TMEM50B: variants seen among roughly 807,000 people sequenced by gnomAD.
The protein encoded by TMEM50B is transmembrane protein 50B.
TMEM50B carries 14 observed loss-of-function variants against 23.4 expected under a neutral mutation model. The ratio of observed to expected loss-of-function variants is 0.60; its 90% CI spans 0.39 to 0.93. The LOEUF (loss-of-function observed/expected upper bound fraction) is 0.93, where lower values mean the gene tolerates loss of function less well. Ranked by LOEUF, TMEM50B falls within the 40% of genes least tolerant of loss-of-function variation. The pLI, the probability that TMEM50B is intolerant of heterozygous loss-of-function variation, is 0.00. For missense variants in TMEM50B, 159 were observed against 193.0 expected (o/e 0.82, Z 1.04); for synonymous variants, 64 against 62.3 (o/e 1.03, Z -0.13).
chr21:33,475,675 C>T (rs1568988950), intron 1 of TMEM50B, among the ~76,000 whole-genome samples: 1 of 151,196 alleles, frequency 6.6e-6, no homozygotes. Context: ...GAACAAGCAG[C>T]TGGGTGCGGT....
At chr21:33,452,766 A>C (rs115681089) in intron 6 of TMEM50B, among the ~76,000 whole-genome samples, 19 of 152,376 alleles carry the variant, frequency 1.2e-4, no homozygotes, top group African/African-American at 4.3e-4. Flanking sequence ...AATTGTATGC[A>C]AAGCACCAAA....
In TMEM50B at chr21:33,432,861, A is replaced by C. The variant is rs143025663; in HGVS notation, c.*2121-59T>G. ...CACACTCCACCAAGCATCCCATTAC[A>C]GATAGAAGAGGTACGTGTGCACACA... On this transcript the variant is annotated intron_variant and NMD_transcript_variant, in intron 8 of 8. Transcript: ENST00000420455. 190 of 1,612,414 alleles carry C rather than the reference A, an allele frequency of 1.2e-4. 4 individuals are homozygous for C. The East Asian group carries it at 4.2e-3, about 36-fold the overall frequency.
intron 1 of TMEM50B, among the ~76,000 whole-genome samples, chr21:33,476,543 C>T (rs938587632): frequency 2.0e-5 from 3 of 151,804 alleles, no homozygotes; most frequent in African/African-American, 7.3e-5. Flanking sequence ...CAGCGGATCA[C>T]GAGGTCAGGA....
At chr21:33,477,879 T>C (rs2084388697) in intron 1 of TMEM50B, among the ~76,000 whole-genome samples, 3 of 151,886 alleles carry the variant, frequency 2.0e-5, no homozygotes, top group African/African-American at 7.3e-5. Flanking sequence ...CTCACGCCTG[T>C]AATCCCAGCA....
intron 7 of TMEM50B, among the ~76,000 whole-genome samples, chr21:33,441,460 CT>C (rs1447669044): frequency 2.0e-5 from 3 of 152,082 alleles, no homozygotes; most frequent in Non-Finnish European, 4.4e-5. Flanking sequence ...GATTAGATCA[CT>C]GTTTTAAGAT....
At chr21:33,459,593 G>C (rs753770656) in intron 5 of TMEM50B, among the ~76,000 whole-genome samples, 3 of 149,592 alleles carry the variant, frequency 2.0e-5, no homozygotes, top group Middle Eastern at 3.2e-3. Context: ...ACTTGAACCT[G>C]TGAGGCGGAG....
rs1325033823 is a variant in TMEM50B at position 33,479,942 on chromosome 21, G to C, written c.-146C>G. 1 of 152,204 alleles carries C rather than the reference G, an allele frequency of 6.6e-6. No individual in the cohort carries two copies. Among genetic ancestry groups the C allele is most frequent in the Non-Finnish European group, 1.5e-5 (1 of 68,040 alleles). The allele number at this position is 152,204 out of a possible 1,614,324, so 9.4% of individuals were successfully genotyped here. A position where few individuals can be genotyped will look rare whatever the true frequency, so the allele number is the denominator to read the frequency against. On this transcript the variant is annotated 5_prime_UTR_variant, in exon 1 of 7. Transcript: ENST00000542230. ...CCGCGGCTCCACCTCAGCCCCGGGA[G>C]CCCGGAGCTGGGAGCAGACGCGAGG...
chr21:33,436,224 G>A (rs1409046810), intron 8 of TMEM50B, among the ~76,000 whole-genome samples: 1 of 150,594 alleles, frequency 6.6e-6, no homozygotes, highest in African/African-American at 2.4e-5. Context: ...GTGTGGTGGT[G>A]CATGCCTGTA....
At chr21:33,440,219 T>A (rs1298606729) in intron 7 of TMEM50B, among the ~76,000 whole-genome samples, 2 of 152,136 alleles carry the variant, frequency 1.3e-5, no homozygotes, top group Non-Finnish European at 2.9e-5. Context: ...ATAGTTAAAG[T>A]CAAAAGAAGA....
downstream of TMEM50B, among the ~76,000 whole-genome samples, chr21:33,447,695 C>CACACAT (rs892169333): frequency 9.3e-6 from 1 of 107,154 alleles, no homozygotes; most frequent in Non-Finnish European, 1.9e-5. Flanking sequence ...CACACACACA[C>CACACAT]ACACACACAC....
chr21:33,469,541 G>C (rs914371856), intron 1 of TMEM50B: 1 of 152,180 alleles, frequency 6.6e-6, no homozygotes, highest in African/African-American at 2.4e-5. Context: ...CTTTGAATTT[G>C]GGTCAACAAT....
chr21:33,468,743 A>C, intron 2 of TMEM50B, 44 bp downstream of exon 2: 3 of 1,512,656 alleles, frequency 2.0e-6, no homozygotes, highest in Non-Finnish European at 2.7e-6. Flanking sequence ...TTTCCAGGGC[A>C]AAAGGTAAGG....
intron 8 of TMEM50B, chr21:33,432,924 T>TA: frequency 6.8e-7 from 1 of 1,460,726 alleles, no homozygotes; most frequent in East Asian, 2.3e-5. Context: ...CTTGCTCTGT[T>TA]GCCCAGGCGG....
exon 9 of TMEM50B, chr21:33,432,665 T>C (rs1355872282): frequency 1.3e-6 from 2 of 1,597,410 alleles, no homozygotes; most frequent in Non-Finnish European, 1.7e-6. Flanking sequence ...CTGATGTTTG[T>C]GTTGTGCGTA....
rs369516704 is a variant in TMEM50B, at chr21:33,461,761, T to C, written c.281-1256A>G. On this transcript the variant is annotated intron_variant, in intron 4 of 6. Transcript: ENST00000542230. ...CAGAGGTTGCAGTGAGCCAAGATCA[T>C]GCCACTACACTCTAGCCTGCGCAAC... 1.4e-4 allele frequency among the ~76,000 whole-genome samples: 21 copies of C among 151,574 alleles called. No individual in the cohort carries two copies. The South Asian group carries it at 3.5e-3, about 25-fold the overall frequency.
At chr21:33,442,394 C>T (rs548740277) in intron 7 of TMEM50B, among the ~76,000 whole-genome samples, 12 of 152,258 alleles carry the variant, frequency 7.9e-5, no homozygotes, top group Admixed American at 2.0e-4. Context: ...TACTTGGGAC[C>T]TGGGGCCTCA....
At position 33,465,359 on chromosome 21, in the gene TMEM50B, C is replaced by A; in HGVS notation, c.263G>T (p.Gly88Val). 6.2e-7 allele frequency: 1 copy of A among 1,613,190 alleles called. No homozygotes were observed. Among genetic ancestry groups the A allele is most frequent in the Non-Finnish European group, 8.5e-7 (1 of 1,179,696 alleles). Reference protein sequence around the residue: ...AQVRGDSYESGCLGRTGARVW... With the variant: ...AQVRGDSYESVCLGRTGARVW... ...ATCTTTACCTGTTCTTCCTAAACAG[C>A]CGCTTTCATAGCTATCACCTCTCAC... Residue 88 changes from glycine (G) to valine (V), a missense_variant, in exon 4 of 7, where the codon GGC becomes GTC. Physicochemically the swap from Gly to Val is moderately radical, Grantham distance 109 (BLOSUM62 -3). Transcript: ENST00000542230.
chr21:33,455,082 C>T (rs1163162565), intron 6 of TMEM50B, among the ~76,000 whole-genome samples: 1 of 151,786 alleles, frequency 6.6e-6, no homozygotes, highest in Admixed American at 6.6e-5. Flanking sequence ...TTCCACTGCA[C>T]TAAGGCAGCT....
intron 4 of TMEM50B, among the ~76,000 whole-genome samples, chr21:33,462,158 T>C (rs748626324): frequency 6.6e-6 from 1 of 152,152 alleles, no homozygotes; most frequent in Non-Finnish European, 1.5e-5. Flanking sequence ...ATTTATAGTA[T>C]ATTTATTATT....
Sources: gnomAD v4.1 joint callset for allele counts (sites outside exome capture counted in the v4.1 genomes callset) on GRCh38, gnomAD v4.1.1 for gene constraint, MANE v1.5 for transcripts, NCBI Gene and HGNC (gene_info 2026-07-23, HGNC 2026-07-21) for gene names.